NOVA1: variants seen among roughly 807,000 people sequenced by gnomAD.
The protein encoded by NOVA1 is RNA-binding protein Nova-1.
NOVA1 carries 7 observed loss-of-function variants against 38.0 expected under a neutral mutation model. The observed-to-expected ratio is 0.18, with a 90% CI of 0.10 to 0.35. NOVA1 has a LOEUF of 0.35. NOVA1 is among the 10% of genes least tolerant of loss of function. The pLI is 1.00. For missense variants in NOVA1, 460 were observed against 616.0 expected, an observed-to-expected ratio of 0.75 and a Z score of 2.68; for synonymous variants, 270 against 232.5, an observed-to-expected ratio of 1.16 and a Z score of -1.47.
intron 2 of NOVA1, among the ~76,000 whole-genome samples, chr14:26,520,663 A>T (rs1044027305): frequency 1.3e-5 from 2 of 152,122 alleles, no homozygotes; most frequent in Non-Finnish European, 2.9e-5. Context: ...CTTGTTAATG[A>T]TTGCAAAGCA....
chr14:26,528,920 A>C (rs1352963567), intron 2 of NOVA1, among the ~76,000 whole-genome samples: 2 of 152,126 alleles, frequency 1.3e-5, no homozygotes, highest in Non-Finnish European at 2.9e-5. Flanking sequence ...GAAGCCCTGG[A>C]GTTCCTCCCA....
intron 3 of NOVA1, among the ~76,000 whole-genome samples, chr14:26,478,571 A>C (rs1164597998): frequency 6.6e-6 from 1 of 151,924 alleles, no homozygotes; most frequent in Non-Finnish European, 1.5e-5. Context: ...TCTACTTTTA[A>C]ACTCTGATTA....
At chr14:26,594,850 A>G (rs996470764) in intron 2 of NOVA1, among the ~76,000 whole-genome samples, 1 of 152,128 alleles carries the variant, frequency 6.6e-6, no homozygotes, top group Non-Finnish European at 1.5e-5. Context: ...TACTTCTTGC[A>G]TAACAGTATA....
At chr14:26,524,622 G>A (rs1375160270) in intron 2 of NOVA1, among the ~76,000 whole-genome samples, 2 of 152,098 alleles carry the variant, frequency 1.3e-5, no homozygotes. Flanking sequence ...CATCTTCCAG[G>A]ATTAATAACA....
chr14:26,545,781 G>A (rs1378642806), intron 2 of NOVA1, among the ~76,000 whole-genome samples: 1 of 151,822 alleles, frequency 6.6e-6, no homozygotes, highest in East Asian at 1.9e-4. Flanking sequence ...GTAAGGATTC[G>A]AGATCACACT....
At chr14:26,556,489 C>A (rs2138664837) in intron 2 of NOVA1, among the ~76,000 whole-genome samples, 1 of 152,200 alleles carries the variant, frequency 6.6e-6, no homozygotes, top group East Asian at 1.9e-4. Flanking sequence ...AATCTAAATA[C>A]AAATCATAAA....
At chr14:26,529,662 C>T (rs891617354) in intron 2 of NOVA1, among the ~76,000 whole-genome samples, 2 of 152,164 alleles carry the variant, frequency 1.3e-5, no homozygotes, top group African/African-American at 4.8e-5. Flanking sequence ...TTCTCATGGT[C>T]TCCCAGGTTC....
At chr14:26,457,282 TG>T (rs1439060681) in intron 4 of NOVA1, among the ~76,000 whole-genome samples, 4 of 152,038 alleles carry the variant, frequency 2.6e-5, no homozygotes, top group Admixed American at 6.6e-5. Flanking sequence ...TTCCAAATGT[TG>T]GGGATGTAGG....
chr14:26,456,972 C>T (rs1293931253), intron 4 of NOVA1, among the ~76,000 whole-genome samples: 1 of 146,834 alleles, frequency 6.8e-6, no homozygotes, highest in Non-Finnish European at 1.5e-5. Flanking sequence ...TATACACACA[C>T]ACACACATAT....
At chr14:26,575,327 C>T (rs1892773939) in intron 2 of NOVA1, among the ~76,000 whole-genome samples, 1 of 152,058 alleles carries the variant, frequency 6.6e-6, no homozygotes, top group Non-Finnish European at 1.5e-5. Context: ...AAATCTGTCT[C>T]TATCAGTTAT....
intron 2 of NOVA1, among the ~76,000 whole-genome samples, chr14:26,512,663 G>A (rs556752130): frequency 1.1e-4 from 17 of 152,014 alleles, no homozygotes; most frequent in Non-Finnish European, 1.6e-4. Flanking sequence ...TAGTATGCAC[G>A]CAAAGATTAT....
intron 2 of NOVA1, among the ~76,000 whole-genome samples, chr14:26,496,344 G>A (rs1048251491): frequency 7.2e-5 from 11 of 152,054 alleles, no homozygotes; most frequent in Non-Finnish European, 1.3e-4. Flanking sequence ...TGATGGGGTT[G>A]TTTTTTTCTT....
At chr14:26,597,220 AG>A (rs1894252372) in intron 1 of NOVA1, 80 bp downstream of exon 1, 8 of 892,420 alleles carry the variant, frequency 9.0e-6, no homozygotes, top group Non-Finnish European at 1.1e-5. Context: ...GGAGGGAAGG[AG>A]GGAGGGAGGA....
At chr14:26,468,152 G>C (rs542780659) in intron 4 of NOVA1, among the ~76,000 whole-genome samples, 1 of 152,210 alleles carries the variant, frequency 6.6e-6, no homozygotes, top group East Asian at 1.9e-4. Context: ...ACACAATGTG[G>C]AGAGATTCTC....
At chr14:26,558,836 T>C (rs1891646607) in intron 2 of NOVA1, among the ~76,000 whole-genome samples, 1 of 152,264 alleles carries the variant, frequency 6.6e-6, no homozygotes, top group Admixed American at 6.5e-5. Flanking sequence ...ATTCAAACCA[T>C]ACTTATATCA....
At chr14:26,597,251 G>C (rs1162786808) in intron 1 of NOVA1, 50 bp downstream of exon 1, 3 of 1,217,162 alleles carry the variant, frequency 2.5e-6, no homozygotes, top group African/African-American at 3.2e-5. Flanking sequence ...AGGGAGGCAG[G>C]GGCGGGCGGC....
chr14:26,449,252 C>A (rs1029426066), intron 4 of NOVA1, among the ~76,000 whole-genome samples: 2 of 152,040 alleles, frequency 1.3e-5, no homozygotes, highest in Non-Finnish European at 2.9e-5. Flanking sequence ...AGTATCTTAA[C>A]AAGAGGGGAT....
intron 2 of NOVA1, among the ~76,000 whole-genome samples, chr14:26,555,056 G>C (rs1317179248): frequency 6.6e-6 from 1 of 151,950 alleles, no homozygotes; most frequent in Non-Finnish European, 1.5e-5. Context: ...GATCAAAAAG[G>C]CTCTACAGAA....
chr14:26,559,096 C>T (rs144744507), intron 2 of NOVA1, among the ~76,000 whole-genome samples: 12 of 152,034 alleles, frequency 7.9e-5, no homozygotes, highest in East Asian at 3.9e-4. Flanking sequence ...AAAAAAGTTG[C>T]GATTATTTCT....
Sources: allele counts gnomAD v4.1 joint callset (sites outside exome capture counted in the v4.1 genomes callset), GRCh38; gene constraint gnomAD v4.1.1; transcripts MANE v1.5; gene names NCBI Gene and HGNC (gene_info 2026-07-23, HGNC 2026-07-21).